PDCD6IP: variants seen among roughly 807,000 people sequenced by gnomAD.
PDCD6IP encodes programmed cell death 6-interacting protein.
In PDCD6IP, 43 loss-of-function variants were observed where a neutral mutation model predicts 103.7. The observed-to-expected ratio is 0.41, with a 90% CI of 0.32 to 0.53. The LOEUF is 0.53. Ranked by LOEUF, PDCD6IP falls within the 20% of genes least tolerant of loss-of-function variation. The pLI is 0.16. For missense variants in PDCD6IP, 871 were observed against 1,036.7 expected, an observed-to-expected ratio of 0.84 and a Z score of 2.20; for synonymous variants, 354 against 378.7, an observed-to-expected ratio of 0.93 and a Z score of 0.76.
intron 7 of PDCD6IP, among the ~76,000 whole-genome samples, chr3:33,835,015 A>G (rs1365807035): frequency 1.3e-5 from 2 of 152,184 alleles, no homozygotes; most frequent in African/African-American, 2.4e-5. Flanking sequence ...TATAGATACT[A>G]TTACATGCAA....
At chr3:33,847,024 A>C (rs1243731459) in intron 12 of PDCD6IP, among the ~76,000 whole-genome samples, 1 of 152,224 alleles carries the variant, frequency 6.6e-6, no homozygotes, top group Admixed American at 6.5e-5. Context: ...TATTGTTTTG[A>C]GGACATAGGG....
intron 3 of PDCD6IP, among the ~76,000 whole-genome samples, chr3:33,819,169 T>C (rs1248194239): frequency 6.6e-6 from 1 of 152,064 alleles, no homozygotes; most frequent in East Asian, 1.9e-4. Context: ...GACTTTCTGT[T>C]CTTTCTGAGA....
intron 15 of PDCD6IP, among the ~76,000 whole-genome samples, chr3:33,855,945 G>T (rs1005117855): frequency 1.7e-4 from 26 of 152,314 alleles, no homozygotes; most frequent in African/African-American, 6.0e-4. Context: ...CTGGTTCGTG[G>T]CCTGTTAGGC....
At chr3:33,850,929 C>T (rs979604500) in intron 12 of PDCD6IP, among the ~76,000 whole-genome samples, 11 of 152,100 alleles carry the variant, frequency 7.2e-5, no homozygotes, top group South Asian at 2.1e-4. Flanking sequence ...TCCTCTCTTC[C>T]GCCCCTCCCT....
chr3:33,844,593 A>G (rs926724774), intron 11 of PDCD6IP, among the ~76,000 whole-genome samples: 1 of 151,992 alleles, frequency 6.6e-6, no homozygotes, highest in African/African-American at 2.4e-5. Flanking sequence ...CAATCCTTCT[A>G]CCTCAACCTC....
intron 1 of PDCD6IP, among the ~76,000 whole-genome samples, chr3:33,809,626 A>G (rs1696673843): frequency 1.3e-5 from 2 of 152,248 alleles, no homozygotes; most frequent in African/African-American, 4.8e-5. Flanking sequence ...GGAAGTTGGC[A>G]TTGATTCATT....
intron 6 of PDCD6IP, chr3:33,828,581 A>G (rs910914216): frequency 4.3e-5 from 10 of 230,682 alleles, no homozygotes; most frequent in Admixed American, 4.0e-4. Flanking sequence ...TCATGGATCA[A>G]TTAAAGAGAA....
rs1390698894 is a variant in PDCD6IP at position 33,868,085 on chromosome 3, ATAGTTAAAC to A, written c.*1561_*1569del. 6.6e-6 allele frequency: 1 copy of A among 152,228 alleles called. No individual in the cohort carries two copies. Among genetic ancestry groups the A allele is most frequent in the Non-Finnish European group, 1.5e-5 (1 of 68,044 alleles). 9.4% of individuals were successfully genotyped at this position (152,228 alleles called of 1,614,324 possible). On this transcript the variant is annotated 3_prime_UTR_variant, in exon 18 of 18. Coordinates refer to ENST00000307296, the MANE Select transcript of PDCD6IP (RefSeq NM_013374.6). ...AATATTAAAGTTGGTTTAAAGTCCA[ATAGTTAAAC>A]CTTAGCAAAAATAGCTTTTTACTTC... is the stretch of plus-strand genomic sequence containing the variant.
In PDCD6IP at chr3:33,867,446, C is replaced by G. The variant is rs545793506; in HGVS notation, c.*921C>G. On this transcript the variant is annotated 3_prime_UTR_variant, in exon 18 of 18. Transcript: ENST00000307296. Reference sequence around the variant, plus strand: ...AATGGAATTGTTTGGGGAACACTTACTGTACCCTCTCATCCTTTTTCCACC... The same window carrying G: ...AATGGAATTGTTTGGGGAACACTTAGTGTACCCTCTCATCCTTTTTCCACC... The G allele has an allele frequency of 6.6e-6, 1 of 152,302 alleles. No individual in the cohort carries two copies. Among genetic ancestry groups the G allele is most frequent in the East Asian group, 1.9e-4 (1 of 5,186 alleles). 9.4% of individuals were successfully genotyped at this position (152,302 alleles called of 1,614,324 possible).
chr3:33,817,626 G>T (rs1156230663), intron 3 of PDCD6IP, among the ~76,000 whole-genome samples: 1 of 151,990 alleles, frequency 6.6e-6, no homozygotes, highest in Non-Finnish European at 1.5e-5. Context: ...GGTGGTGTGT[G>T]CCTGTAGTCC....
At chr3:33,863,005 G>A (rs1056221773) in intron 15 of PDCD6IP, among the ~76,000 whole-genome samples, 1 of 152,010 alleles carries the variant, frequency 6.6e-6, no homozygotes, top group Admixed American at 6.6e-5. Flanking sequence ...TTAAACAATA[G>A]GAAGAAAGAG....
rs1365611464 is a variant in PDCD6IP, at chr3:33,836,047, G to A, written c.838G>A (p.Ala280Thr). ...TTGTTGACGTTTTTCTTTTTAGCAT[G>A]CAGCAGAACTGATTAAAACAGTGGC... Reference protein sequence around the residue: ...FGEEIARLQHAAELIKTVASR... With the variant: ...FGEEIARLQHTAELIKTVASR... Residue 280 changes from alanine (A) to threonine (T), a missense_variant, in exon 8 of 18, where the codon GCA (alanine) becomes ACA (threonine). Physicochemically the swap from Ala to Thr is moderately conservative, Grantham distance 58 (BLOSUM62 0). Coordinates refer to ENST00000307296, the MANE Select transcript of PDCD6IP (RefSeq NM_013374.6). 6 of 1,498,222 alleles carry A rather than the reference G, an allele frequency of 4.0e-6. No homozygotes were observed. Among genetic ancestry groups the A allele is most frequent in the African/African-American group, 1.4e-5 (1 of 71,364 alleles). 92.8% of individuals were successfully genotyped at this position (1,498,222 alleles called of 1,614,324 possible). A position where few individuals can be genotyped will look rare whatever the true frequency, so the allele number is the denominator to read the frequency against.
Position 33,805,041 on chromosome 3 carries a change from C to T in PDCD6IP, c.209+6104C>T, listed in dbSNP as rs114222145. ...ATGTGGATTGGTTGTTCTTGATCCC[C>T]ACACCTTCCCCTTAAATTAAAAAAT... On this transcript the variant is annotated intron_variant, in intron 1 of 17. Transcript: ENST00000307296. 8.8e-3 allele frequency among the ~76,000 whole-genome samples: 1,339 copies of T among 152,276 alleles called. 17 individuals are homozygous for T. The highest frequency in any genetic ancestry group is 0.014 in the South Asian group (68 of 4,826).
At chr3:33,846,544 G>T (rs990600132) in intron 12 of PDCD6IP, among the ~76,000 whole-genome samples, 1 of 152,210 alleles carries the variant, frequency 6.6e-6, no homozygotes, top group Non-Finnish European at 1.5e-5. Context: ...CGAGGATTTA[G>T]ATGAAGTACT....
intron 15 of PDCD6IP, among the ~76,000 whole-genome samples, chr3:33,857,913 A>G (rs1697864420): frequency 6.6e-6 from 1 of 152,194 alleles, no homozygotes. Flanking sequence ...TGTCAGCACT[A>G]TTTTTAAATA....
At chr3:33,801,477 G>T (rs1316318490) in intron 1 of PDCD6IP, among the ~76,000 whole-genome samples, 3 of 152,088 alleles carry the variant, frequency 2.0e-5, no homozygotes, top group African/African-American at 7.2e-5. Context: ...ATACATTTAT[G>T]CATATTATAA....
chr3:33,799,215 A>AC, intron 1 of PDCD6IP: 1 of 406,710 alleles, frequency 2.5e-6, no homozygotes, highest in Admixed American at 4.1e-5. Flanking sequence ...TCTGCCCTGT[A>AC]CTGATCTCTT....
intron 16 of PDCD6IP, among the ~76,000 whole-genome samples, chr3:33,864,470 GTGAA>G (rs1042508094): frequency 6.6e-6 from 1 of 152,130 alleles, no homozygotes; most frequent in African/African-American, 2.4e-5. Flanking sequence ...ATTTCTAAAA[GTGAA>G]TGTCATAGAT....
At chr3:33,859,002 G>C (rs542017310) in intron 15 of PDCD6IP, among the ~76,000 whole-genome samples, 24 of 152,294 alleles carry the variant, frequency 1.6e-4, no homozygotes, top group African/African-American at 5.8e-4. Context: ...AATAAAAAGA[G>C]TAGTGAAGGA....
Sources: allele counts gnomAD v4.1 joint callset (sites outside exome capture counted in the v4.1 genomes callset), GRCh38; gene constraint gnomAD v4.1.1; transcripts MANE v1.5; gene names NCBI Gene and HGNC (gene_info 2026-07-23, HGNC 2026-07-21).